SGCZ: variants seen among roughly 807,000 people sequenced by gnomAD.
The protein encoded by SGCZ is zeta-sarcoglycan.
A neutral mutation model predicts 41.3 loss-of-function variants in SGCZ; 40 were observed. That is an observed-to-expected ratio of 0.97 (90% CI 0.75 to 1.26). SGCZ has a LOEUF of 1.26. Ranked by LOEUF, SGCZ falls within the 50% of genes most tolerant of loss-of-function variation. The probability of loss-of-function intolerance (pLI) is 0.00; values close to 1 mark genes in which losing one functional copy is unlikely to be tolerated. For missense variants in SGCZ, 552 were observed against 369.8 expected (o/e 1.49, Z -4.04); for synonymous variants, 206 against 137.5 (o/e 1.50, Z -3.49).
At chr8:15,104,180 A>C (rs757630620) in intron 1 of SGCZ, among the ~76,000 whole-genome samples, 6 of 152,072 alleles carry the variant, frequency 3.9e-5, no homozygotes, top group Non-Finnish European at 5.9e-5. Context: ...GGTTTCAATA[A>C]CTCTGTTTTT....
chr8:14,937,688 G>C (rs1800129375), intron 1 of SGCZ, among the ~76,000 whole-genome samples: 1 of 152,016 alleles, frequency 6.6e-6, no homozygotes, highest in Admixed American at 6.5e-5. Flanking sequence ...GAATTGTGTT[G>C]AGCTCTTAAA....
intron 2 of SGCZ, among the ~76,000 whole-genome samples, chr8:14,440,982 G>A (rs998034993): frequency 1.3e-5 from 2 of 151,910 alleles, no homozygotes; most frequent in African/African-American, 4.8e-5. Context: ...CTTTGAAAAG[G>A]GGGTTTTGTG....
chr8:14,928,007 C>A (rs1799808908), intron 1 of SGCZ, among the ~76,000 whole-genome samples: 1 of 152,164 alleles, frequency 6.6e-6, no homozygotes, highest in African/African-American at 2.4e-5. Flanking sequence ...CTTAGCTCAA[C>A]TCCAGATTCT....
At chr8:15,029,315 TG>T (rs1429316840) in intron 1 of SGCZ, among the ~76,000 whole-genome samples, 1 of 152,072 alleles carries the variant, frequency 6.6e-6, no homozygotes, top group Non-Finnish European at 1.5e-5. Context: ...AAAAACCATA[TG>T]CCTGTAGGTG....
chr8:14,463,696 G>C (rs1220092470), intron 2 of SGCZ, among the ~76,000 whole-genome samples: 1 of 151,686 alleles, frequency 6.6e-6, no homozygotes, highest in East Asian at 1.9e-4. Context: ...ATCAGGTCTT[G>C]TTCTTGACCT....
At chr8:14,991,874 G>C (rs1028776652) in intron 1 of SGCZ, among the ~76,000 whole-genome samples, 1 of 145,022 alleles carries the variant, frequency 6.9e-6, no homozygotes, top group African/African-American at 2.6e-5. Context: ...TGTTATCCTT[G>C]ATATTTACCT....
intron 1 of SGCZ, among the ~76,000 whole-genome samples, chr8:14,608,378 G>A (rs1352153133): frequency 6.6e-6 from 1 of 151,694 alleles, no homozygotes; most frequent in South Asian, 2.1e-4. Flanking sequence ...GGCTGCACAA[G>A]CATGGTACCA....
chr8:14,572,779 AC>A (rs1331527620), intron 1 of SGCZ, among the ~76,000 whole-genome samples: 1 of 152,176 alleles, frequency 6.6e-6, no homozygotes, highest in Non-Finnish European at 1.5e-5. Flanking sequence ...AACATACTCA[AC>A]AAGCTCCAAA....
intron 1 of SGCZ, among the ~76,000 whole-genome samples, chr8:14,867,845 C>A (rs770369777): frequency 1.3e-5 from 2 of 151,270 alleles, no homozygotes; most frequent in Non-Finnish European, 2.9e-5. Flanking sequence ...ATGAAATAAT[C>A]TGTACAACAA....
At chr8:14,585,343 G>C (rs1805023092) in intron 1 of SGCZ, among the ~76,000 whole-genome samples, 1 of 152,000 alleles carries the variant, frequency 6.6e-6, no homozygotes, top group Non-Finnish European at 1.5e-5. Flanking sequence ...CAAAGTTTTT[G>C]GATGAAGAAA....
In SGCZ at chr8:14,380,597, T is replaced by C. The variant is rs566040237; in HGVS notation, c.235-56393A>G. Among the ~76,000 whole-genome samples the C allele has an allele frequency of 1.6e-4, 25 of 152,326 alleles. No homozygotes were observed. The South Asian group carries it at 5.2e-3, about 32-fold the overall frequency. On this transcript the variant is annotated intron_variant, in intron 2 of 7. Coordinates refer to ENST00000382080, the MANE Select transcript of SGCZ (RefSeq NM_139167.4). The stretch of plus-strand genomic sequence containing the variant: ...GGCCAGGCGTGGTGGCTCATGCCTG[T>C]AATCCCAGTACTTTGGGAGGCCAAG...
At chr8:14,701,359 A>G (rs1431429887) in intron 1 of SGCZ, among the ~76,000 whole-genome samples, 1 of 151,938 alleles carries the variant, frequency 6.6e-6, no homozygotes, top group Non-Finnish European at 1.5e-5. Context: ...CTCTCCCCTG[A>G]GTGGTGAGAA....
chr8:14,586,819 A>G (rs980543174), intron 1 of SGCZ, among the ~76,000 whole-genome samples: 6 of 152,046 alleles, frequency 3.9e-5, no homozygotes, highest in African/African-American at 1.4e-4. Flanking sequence ...TTTCTTCCCA[A>G]TTTTCTTAGC....
At chr8:14,494,226 T>C (rs894564406) in intron 2 of SGCZ, among the ~76,000 whole-genome samples, 4 of 152,158 alleles carry the variant, frequency 2.6e-5, no homozygotes, top group African/African-American at 9.7e-5. Flanking sequence ...TCCAAGAAGT[T>C]GAAATAAAGA....
chr8:15,174,605 T>C (rs989806802), intron 1 of SGCZ, among the ~76,000 whole-genome samples: 1 of 152,176 alleles, frequency 6.6e-6, no homozygotes, highest in Non-Finnish European at 1.5e-5. Flanking sequence ...CTTTACAAGA[T>C]GGTATCAAAT....
chr8:14,526,157 T>C (rs1185753125), intron 2 of SGCZ, among the ~76,000 whole-genome samples: 1 of 152,156 alleles, frequency 6.6e-6, no homozygotes, highest in Non-Finnish European at 1.5e-5. Context: ...TTTTATCACC[T>C]ATACAATTTA....
At chr8:14,593,098 G>C (rs1046925155) in intron 1 of SGCZ, among the ~76,000 whole-genome samples, 2 of 152,060 alleles carry the variant, frequency 1.3e-5, no homozygotes, top group Non-Finnish European at 2.9e-5. Context: ...CACCCCCAAA[G>C]ATGTCCAGAT....
At chr8:14,907,255 C>T (rs979340638) in intron 1 of SGCZ, among the ~76,000 whole-genome samples, 3 of 152,068 alleles carry the variant, frequency 2.0e-5, no homozygotes, top group African/African-American at 4.8e-5. Context: ...AGTAGAATGG[C>T]GTAATCATGG....
intron 1 of SGCZ, among the ~76,000 whole-genome samples, chr8:15,025,617 G>A (rs1039633531): frequency 3.3e-5 from 5 of 152,092 alleles, no homozygotes; most frequent in Non-Finnish European, 7.4e-5. Context: ...ACCAACACCT[G>A]AAATTCTAGA....
Sources: gnomAD v4.1 joint callset for allele counts (sites outside exome capture counted in the v4.1 genomes callset) on GRCh38, gnomAD v4.1.1 for gene constraint, MANE v1.5 for transcripts, NCBI Gene and HGNC (gene_info 2026-07-23, HGNC 2026-07-21) for gene names.